Variants in KANK1 observed in about 807,000 individuals in gnomAD.
The protein encoded by KANK1 is KN motif and ankyrin repeat domains 1.
Under a neutral mutation model 106.2 loss-of-function variants are expected in KANK1, and 109 were observed. The observed-to-expected ratio is 1.03, with a 90% CI of 0.88 to 1.20. The LOEUF is 1.20. KANK1 is among the 50% of genes most tolerant of loss of function. The pLI is 0.00. For synonymous variants in KANK1, 873 were observed against 652.2 expected (o/e 1.34, Z -5.16); for missense variants, 2,399 against 1,710.7 (o/e 1.40, Z -7.10).
intron 1 of KANK1, among the ~76,000 whole-genome samples, chr9:535,326 G>A (rs1197465754): frequency 3.3e-5 from 5 of 152,212 alleles, no homozygotes; most frequent in African/African-American, 7.2e-5. Context: ...TTATGCAAAG[G>A]CCCTACGTCT....
chr9:635,107 A>G (rs1283685212), intron 1 of KANK1, among the ~76,000 whole-genome samples: 1 of 152,172 alleles, frequency 6.6e-6, no homozygotes, highest in East Asian at 1.9e-4. Flanking sequence ...TATGGTAACC[A>G]GCATGGGGGA....
rs1027778411 is a variant in KANK1, at chr9:745,956, T to C, written c.*721T>C. 1.3e-5 allele frequency: 2 copies of C among 152,672 alleles called. No individual in the cohort carries two copies. The highest frequency in any genetic ancestry group is 2.9e-5 in the Non-Finnish European group (2 of 68,046). 9.5% of individuals were successfully genotyped at this position (152,672 alleles called of 1,614,324 possible). The stretch of plus-strand genomic sequence containing the variant: ...GATTGTGTTAGAGGAATCGGCTCTG[T>C]ATTTGCCTCTAGAGAAACACAGTGT... On this transcript the variant is annotated 3_prime_UTR_variant, in exon 12 of 12. Coordinates refer to ENST00000382297, the MANE Select transcript of KANK1 (RefSeq NM_015158.5).
intron 1 of KANK1, among the ~76,000 whole-genome samples, chr9:556,951 T>C (rs1473619306): frequency 6.6e-6 from 1 of 152,148 alleles, no homozygotes; most frequent in Non-Finnish European, 1.5e-5. Flanking sequence ...AAAATTTGAA[T>C]ATGAATTGAG....
intron 1 of KANK1, among the ~76,000 whole-genome samples, chr9:571,577 A>T (rs76500964): frequency 0.11 from 16,724 of 146,416 alleles, 1,173 homozygotes; most frequent in Admixed American, 0.17. Flanking sequence ...AAAAAAAAAA[A>T]ATTTTAAAAA....
At chr9:579,001 T>A (rs568879360) in intron 1 of KANK1, among the ~76,000 whole-genome samples, 1 of 152,192 alleles carries the variant, frequency 6.6e-6, no homozygotes, top group South Asian at 2.1e-4. Flanking sequence ...ATAGGAAAAA[T>A]TGACTATATG....
chr9:613,211 C>G lies in KANK1; in HGVS notation c.-83-63679C>G, dbSNP rs1343672745. On this transcript the variant is annotated intron_variant, in intron 1 of 11. Transcript: ENST00000382297. ...TAATTGTGACCAGATACATAGTTCA[C>G]AGCATCTTTAAGATTCAGTAAGCTA... 1.3e-5 allele frequency among the ~76,000 whole-genome samples: 2 copies of G among 151,688 alleles called. 1 individual carries two copies. Among genetic ancestry groups the G allele is most frequent in the African/African-American group, 4.8e-5 (2 of 41,276 alleles).
intron 3 of KANK1, among the ~76,000 whole-genome samples, chr9:494,331 C>T (rs995769693): frequency 2.0e-5 from 3 of 152,150 alleles, no homozygotes; most frequent in Non-Finnish European, 4.4e-5. Context: ...TGTATACATC[C>T]TACTTCATAT....
chr9:662,757 G>T (rs1050504883), intron 1 of KANK1, among the ~76,000 whole-genome samples: 5 of 150,662 alleles, frequency 3.3e-5, no homozygotes, highest in African/African-American at 1.2e-4. Flanking sequence ...CACCTCCTGG[G>T]TTGAAGTGAT....
chr9:519,052 G>A (rs1169047303), intron 1 of KANK1, among the ~76,000 whole-genome samples: 3 of 151,486 alleles, frequency 2.0e-5, no homozygotes, highest in Non-Finnish European at 4.4e-5. Flanking sequence ...CACCAGGCCT[G>A]ACTAATTTTG....
At chr9:607,901 G>C (rs9696204) in intron 1 of KANK1, among the ~76,000 whole-genome samples, 99,912 of 151,106 alleles carry the variant, frequency 0.66, 35,114 homozygotes, top group Non-Finnish European at 0.78. Context: ...ACCTTTACCT[G>C]GTTGTATTGT....
chr9:537,474 A>T (rs1447979152), intron 1 of KANK1, among the ~76,000 whole-genome samples: 1 of 152,308 alleles, frequency 6.6e-6, no homozygotes, highest in East Asian at 1.9e-4. Context: ...TTGTCTCTCA[A>T]GTGTTGCTAA....
chr9:500,935 G>A (rs984428337), upstream of KANK1, among the ~76,000 whole-genome samples: 1 of 152,128 alleles, frequency 6.6e-6, no homozygotes, highest in African/African-American at 2.4e-5. Context: ...CAAAAAGAGA[G>A]GTCAAAGTTA....
At chr9:643,041 G>A (rs902273289) in intron 1 of KANK1, among the ~76,000 whole-genome samples, 5 of 150,572 alleles carry the variant, frequency 3.3e-5, no homozygotes, top group Non-Finnish European at 7.4e-5. Flanking sequence ...AGCCTATTTG[G>A]AAACATATAA....
Position 674,760 on chromosome 9 carries a change from G to C in KANK1, c.-83-2130G>C, listed in dbSNP as rs573306295. 7.9e-5 allele frequency among the ~76,000 whole-genome samples: 12 copies of C among 152,306 alleles called. No homozygotes were observed. In the South Asian group the frequency reaches 2.3e-3, roughly 29 times the overall value. On this transcript the variant is annotated intron_variant, in intron 1 of 11. Coordinates refer to ENST00000382297, the MANE Select transcript of KANK1 (RefSeq NM_015158.5). ...GTTCTGTCGCCCAGGCTGGGGTGCAGTGGTGCAATCTCAGCTCACTGCAAT... is the reference window on the plus strand; with the variant it reads ...GTTCTGTCGCCCAGGCTGGGGTGCACTGGTGCAATCTCAGCTCACTGCAAT...
chr9:688,138 G>C (rs986259470), intron 2 of KANK1, among the ~76,000 whole-genome samples: 3 of 152,194 alleles, frequency 2.0e-5, no homozygotes, highest in Non-Finnish European at 4.4e-5. Context: ...GCCTTTTCCC[G>C]TAAGTTCCCA....
In KANK1 at chr9:589,413, T is replaced by A. The variant is rs147637670; in HGVS notation, c.-84+84659T>A. On this transcript the variant is annotated intron_variant, in intron 1 of 11. Transcript: ENST00000382297. ...GTGTAGATGCCCAGGTCTGGAGATT[T>A]GCTGGAAAAGAAGGAGCAAAAGAGG... Among the ~76,000 whole-genome samples, 349 of 151,042 alleles carry A rather than the reference T, an allele frequency of 2.3e-3. 1 individual carries two copies. Among genetic ancestry groups the A allele is most frequent in the Non-Finnish European group, 4.1e-3 (274 of 67,568 alleles).
At chr9:624,725 G>C (rs968293129) in intron 1 of KANK1, among the ~76,000 whole-genome samples, 1 of 152,120 alleles carries the variant, frequency 6.6e-6, no homozygotes, top group Non-Finnish European at 1.5e-5. Flanking sequence ...CTTGAACCTG[G>C]GAGGTGGAGG....
intron 1 of KANK1, among the ~76,000 whole-genome samples, chr9:579,083 G>A (rs113737305): frequency 1.3e-5 from 2 of 152,132 alleles, no homozygotes; most frequent in East Asian, 1.9e-4. Flanking sequence ...AAGAAAAATC[G>A]GGTTCAGTGA....
Position 745,241 on chromosome 9 carries a change from TG to T in KANK1, c.*7del. The T allele has an allele frequency of 6.2e-7, 1 of 1,614,136 alleles. No individual in the cohort carries two copies. Among genetic ancestry groups the T allele is most frequent in the Non-Finnish European group, 8.5e-7 (1 of 1,179,968 alleles). Reference sequence around the variant, plus strand: ...ACCGAGGTTCATTTGATTGATTGTATGCAAATAGCCCTTTATTTACATGCCA... The same window carrying T: ...ACCGAGGTTCATTTGATTGATTGTATCAAATAGCCCTTTATTTACATGCCA... On this transcript the variant is annotated 3_prime_UTR_variant, in exon 12 of 12. Transcript: ENST00000382297.
Sources: gnomAD v4.1 joint callset for allele counts (sites outside exome capture counted in the v4.1 genomes callset) on GRCh38, gnomAD v4.1.1 for gene constraint, MANE v1.5 for transcripts, NCBI Gene and HGNC (gene_info 2026-07-23, HGNC 2026-07-21) for gene names.